The following ECI1 variants were observed in gnomAD, a reference collection of about 807,000 sequenced individuals.
ECI1 encodes the protein enoyl-CoA delta isomerase 1, also known as enoyl-CoA delta isomerase 1, mitochondrial.
ECI1 carries 34 observed loss-of-function variants against 34.2 expected under a neutral mutation model. That is an observed-to-expected ratio of 1.00 (90% CI 0.76 to 1.33). The LOEUF is 1.33. ECI1 is among the 40% of genes most tolerant of loss of function. The pLI is 0.00. For synonymous variants in ECI1, 211 were observed against 193.0 expected, an observed-to-expected ratio of 1.09 and a Z score of -0.77; for missense variants, 456 against 422.2, an observed-to-expected ratio of 1.08 and a Z score of -0.70.
In ECI1 at chr16:2,246,909, G is replaced by C. The variant is rs140831866; in HGVS notation, c.244C>G (p.Leu82Val). The C allele has an allele frequency of 3.1e-3, 4,936 of 1,613,836 alleles. 17 individuals carry two copies. Among genetic ancestry groups the C allele is most frequent in the Non-Finnish European group, 3.8e-3 (4,535 of 1,180,024 alleles). ...CTCTTGTCATTCTCCAGCTTCTCCA[G>C]GCTGATGACCAGCTCCGTCAGAAAC... ...LEFLTELVIS[L>V]EKLENDKSFR... is the part of the protein sequence containing the mutation. The change falls in exon 3 of 7, where the codon CTG (leucine) becomes GTG (valine). Residue 82 changes from leucine to valine, a missense_variant. Coordinates refer to ENST00000301729, the MANE Select transcript of ECI1 (RefSeq NM_001919.4).
At position 2,239,802 on chromosome 16, in the gene ECI1, A is replaced by G; in HGVS notation, c.*177T>C. 1.0e-5 allele frequency: 7 copies of G among 685,816 alleles called. No individual in the cohort carries two copies. Among genetic ancestry groups the G allele is most frequent in the Non-Finnish European group, 1.8e-5 (7 of 387,832 alleles). 42.5% of individuals were successfully genotyped at this position (685,816 alleles called of 1,614,324 possible). A position where few individuals can be genotyped will look rare whatever the true frequency, so the allele number is the denominator to read the frequency against. ...CCTTGCCTGACGGGCACAGGCACCC[A>G]TGTGTGTTTGTGTGTGGCTGGGCCT... is the stretch of plus-strand genomic sequence containing the variant. On this transcript the variant is annotated 3_prime_UTR_variant, in exon 7 of 7. Coordinates refer to ENST00000301729, the MANE Select transcript of ECI1 (RefSeq NM_001919.4).
At chr16:2,242,093 T>C (rs160552) in intron 6 of ECI1, among the ~76,000 whole-genome samples, 18,652 of 151,972 alleles carry the variant, frequency 0.12, 3,730 homozygotes, top group African/African-American at 0.42. Context: ...CTCCTGACCT[T>C]GTGATCCGCC....
Position 2,251,539 on chromosome 16 carries a change from G to C in ECI1, c.28C>G (p.Pro10Ala), listed in dbSNP as rs2093554134. The C allele has an allele frequency of 1.9e-6, 3 of 1,560,668 alleles. No individual in the cohort carries two copies. The highest frequency in any genetic ancestry group is 2.6e-6 in the Non-Finnish European group (3 of 1,153,692). ...CCCGCGCGGAGCAGAACGCGCGCCG[G>C]GACTCGCACAGAAGCCACCAGCGCC... is the stretch of plus-strand genomic sequence containing the variant. Reference protein sequence around the residue: MALVASVRVPARVLLRAGAR... With the variant: MALVASVRVAARVLLRAGAR... The change falls in exon 1 of 7, where the codon CCG (proline) becomes GCG (alanine). Residue 10 changes from proline (P) to alanine (A), a missense_variant. Physicochemically the swap from Pro to Ala is conservative, Grantham distance 27 (BLOSUM62 -1). Coordinates refer to ENST00000301729, the MANE Select transcript of ECI1 (RefSeq NM_001919.4).
At chr16:2,250,284 A>T in intron 2 of ECI1, among the ~76,000 whole-genome samples, 1 of 147,622 alleles carries the variant, frequency 6.8e-6, no homozygotes, top group African/African-American at 2.5e-5. Context: ...AAAAAAAAAA[A>T]AAGTCAGTTT....
In ECI1 at chr16:2,251,498, C is replaced by A; in HGVS notation, c.52+17G>T. ...CCCCGGCCCCGGCCCGATCCCTGCCCACCCCGGGTTTCGCACCCGCGCGGA... is the reference window on the plus strand; with the variant it reads ...CCCCGGCCCCGGCCCGATCCCTGCCAACCCCGGGTTTCGCACCCGCGCGGA... On this transcript the variant is annotated intron_variant, in intron 1 of 6. Transcript: ENST00000301729. The A allele has an allele frequency of 6.4e-7, 1 of 1,558,086 alleles. No individual in the cohort carries two copies. The highest frequency in any genetic ancestry group is 2.4e-5 in the East Asian group (1 of 41,480).
chr16:2,245,170 C>T (rs2093537378), intron 3 of ECI1, among the ~76,000 whole-genome samples: 2 of 152,078 alleles, frequency 1.3e-5, no homozygotes, highest in South Asian at 4.2e-4. Context: ...GAGAACCCAC[C>T]CTGGGGACCC....
intron 2 of ECI1, among the ~76,000 whole-genome samples, chr16:2,247,714 A>T (rs58883843): frequency 0.018 from 2,663 of 151,806 alleles, 65 homozygotes; most frequent in African/African-American, 0.061. Flanking sequence ...TTATTTTTTT[A>T]TTATTATTAT....
chr16:2,240,539 T>C (rs1322899009), intron 6 of ECI1: 4 of 273,656 alleles, frequency 1.5e-5, no homozygotes, highest in African/African-American at 2.2e-5. Context: ...GTTTTGTTTT[T>C]AAAGAGACAG....
intron 6 of ECI1, chr16:2,241,829 T>C (rs1385737601): frequency 6.6e-6 from 1 of 151,320 alleles, no homozygotes; most frequent in African/African-American, 2.4e-5. Context: ...TAGCTGGAAT[T>C]ACAGGCACGT....
chr16:2,239,862 C>G lies in ECI1; in HGVS notation c.*117G>C. On this transcript the variant is annotated 3_prime_UTR_variant, in exon 7 of 7. Transcript: ENST00000301729. ...GGGCTATGAGGAACAGGAACTTCTA[C>G]GTAACATCAGCAAAATGAAACGCTG... is the stretch of plus-strand genomic sequence containing the variant. 2 of 1,158,756 alleles carry G rather than the reference C, an allele frequency of 1.7e-6. No individual in the cohort carries two copies. Among genetic ancestry groups the G allele is most frequent in the Non-Finnish European group, 2.6e-6 (2 of 773,964 alleles). 71.8% of individuals were successfully genotyped at this position (1,158,756 alleles called of 1,614,324 possible).
In ECI1 at chr16:2,246,875, C is replaced by T. The variant is rs201913960; in HGVS notation, c.278G>A (p.Gly93Asp). 10 of 1,613,064 alleles carry T rather than the reference C, an allele frequency of 6.2e-6. No individual in the cohort carries two copies. Among genetic ancestry groups the T allele is most frequent in the Non-Finnish European group, 7.6e-6 (9 of 1,180,022 alleles). Reference protein sequence around the residue: ...EKLENDKSFRGVILTSDRPGV... With the variant: ...EKLENDKSFRDVILTSDRPGV... ...AGCACCTACCGAGGTCAGAATGACACCGCGGAAGCTCTTGTCATTCTCCAG... is the reference window on the plus strand; with the variant it reads ...AGCACCTACCGAGGTCAGAATGACATCGCGGAAGCTCTTGTCATTCTCCAG... Residue 93 changes from glycine (G) to aspartate (D), a missense_variant, in exon 3 of 7, where the codon GGT becomes GAT. Transcript: ENST00000301729.
At position 2,251,514 on chromosome 16, in the gene ECI1, C is replaced by A; in HGVS notation, c.52+1G>T. ...ATCCCTGCCCACCCCGGGTTTCGCACCCGCGCGGAGCAGAACGCGCGCCGG... is the reference window on the plus strand; with the variant it reads ...ATCCCTGCCCACCCCGGGTTTCGCAACCGCGCGGAGCAGAACGCGCGCCGG... On this transcript the variant is annotated splice_donor_variant, in intron 1 of 6. Transcript: ENST00000301729. LOFTEE classifies it high-confidence loss of function. The A allele has an allele frequency of 6.4e-7, 1 of 1,559,562 alleles. No homozygotes were observed. Among genetic ancestry groups the A allele is most frequent in the Non-Finnish European group, 8.7e-7 (1 of 1,153,742 alleles).
At chr16:2,247,798 C>A (rs191480285) in intron 2 of ECI1, among the ~76,000 whole-genome samples, 131 of 152,262 alleles carry the variant, frequency 8.6e-4, no homozygotes, top group Non-Finnish European at 1.5e-3. Flanking sequence ...CTTTGACCTC[C>A]TGGGCTCCAG....
rs781152332 is a variant in ECI1, at chr16:2,246,984, C to G, written c.169G>C (p.Val57Leu). Residue 57 changes from valine (V) to leucine (L), a missense_variant and splice_region_variant, in exon 3 of 7, where the codon GTC (valine) becomes CTC (leucine). Coordinates refer to ENST00000301729, the MANE Select transcript of ECI1 (RefSeq NM_001919.4). Reference protein sequence around the residue: ...VLVEPDAGAGVAVMKFKNPPV... With the variant: ...VLVEPDAGAGLAVMKFKNPPV... ...GGGTTCTTGAATTTCATCACAGCGA[C>G]CCCTAATTTAAAGAATGAGAAGAGA... The G allele has an allele frequency of 2.5e-6, 4 of 1,613,110 alleles. No individual in the cohort carries two copies. Among genetic ancestry groups the G allele is most frequent in the Non-Finnish European group, 3.4e-6 (4 of 1,179,940 alleles).
At chr16:2,249,188 G>A (rs1324847446) in intron 2 of ECI1, among the ~76,000 whole-genome samples, 1 of 152,066 alleles carries the variant, frequency 6.6e-6, no homozygotes, top group African/African-American at 2.4e-5. Flanking sequence ...TGGGACTACA[G>A]GTGCCCGCCA....
At position 2,246,984 on chromosome 16, in the gene ECI1, C is replaced by A. The variant is rs781152332; in HGVS notation, c.169G>T (p.Val57Phe). The stretch of plus-strand genomic sequence containing the variant: ...GGGTTCTTGAATTTCATCACAGCGA[C>A]CCCTAATTTAAAGAATGAGAAGAGA... ...VLVEPDAGAG[V>F]AVMKFKNPPV... Residue 57 changes from valine (V) to phenylalanine (F), a missense_variant and splice_region_variant, in exon 3 of 7, where the codon GTC (valine) becomes TTC (phenylalanine). Coordinates refer to ENST00000301729, the MANE Select transcript of ECI1 (RefSeq NM_001919.4). The A allele has an allele frequency of 7.4e-6, 12 of 1,612,992 alleles. No individual in the cohort carries two copies. Among genetic ancestry groups the A allele is most frequent in the South Asian group, 1.1e-5 (1 of 91,032 alleles).
chr16:2,239,993 C>A lies in ECI1; in HGVS notation c.895G>T (p.Glu299Ter). 1 of 1,613,818 alleles carries A rather than the reference C, an allele frequency of 6.2e-7. No homozygotes were observed. Among genetic ancestry groups the A allele is most frequent in the Non-Finnish European group, 8.5e-7 (1 of 1,180,030 alleles). ...SLQMYLERLK[E>*]EKG ...CAGCCCAATCGTTAGCCTTTTTCTT[C>A]TTTGAGCCTCTCTAAGTACATCTGC... Residue 299 changes from glutamate (E) to a stop codon, truncating the protein, a stop_gained, in exon 7 of 7, where the codon GAA becomes TAA. Transcript: ENST00000301729. LOFTEE classifies it high-confidence loss of function.
intron 3 of ECI1, among the ~76,000 whole-genome samples, chr16:2,244,890 G>A (rs1297938096): frequency 6.6e-6 from 1 of 152,214 alleles, no homozygotes; most frequent in Non-Finnish European, 1.5e-5. Context: ...GAGGTGTGGT[G>A]AAGACTCCTG....
At chr16:2,244,921 GTTC>G (rs1419257169) in intron 3 of ECI1, among the ~76,000 whole-genome samples, 1 of 152,206 alleles carries the variant, frequency 6.6e-6, no homozygotes. Context: ...GGAGCTGCAC[GTTC>G]TGAATCATTT....
Sources: allele counts gnomAD v4.1 joint callset (sites outside exome capture counted in the v4.1 genomes callset), GRCh38; gene constraint gnomAD v4.1.1; transcripts MANE v1.5; gene names NCBI Gene and HGNC (gene_info 2026-07-23, HGNC 2026-07-21).